SHISA9: variants seen among roughly 807,000 people sequenced by gnomAD.
SHISA9 encodes the protein shisa family member 9, also known as protein shisa-9.
SHISA9 carries 13 observed loss-of-function variants against 38.0 expected under a neutral mutation model. The ratio of observed to expected loss-of-function variants is 0.34; its 90% CI spans 0.22 to 0.54. The LOEUF (loss-of-function observed/expected upper bound fraction) is 0.54. Ranked by LOEUF, SHISA9 falls within the 20% of genes least tolerant of loss-of-function variation. SHISA9 has a pLI of 0.91. For missense variants in SHISA9, 538 were observed against 575.8 expected, an observed-to-expected ratio of 0.93 and a Z score of 0.67; for synonymous variants, 275 against 242.0, an observed-to-expected ratio of 1.14 and a Z score of -1.27.
the SHISA9 span, among the ~76,000 whole-genome samples, chr16:13,379,693 G>A: frequency 6.1e-3 from 924 of 152,220 alleles, 14 homozygotes; most frequent in African/African-American, 0.021. Flanking sequence ...ATTCCTCCGC[G>A]GTGGGCATTT....
chr16:13,395,098 C>T, the SHISA9 span, among the ~76,000 whole-genome samples: 1 of 152,090 alleles, frequency 6.6e-6, no homozygotes, highest in Non-Finnish European at 1.5e-5. Context: ...AAATGTTCCT[C>T]CAGAATGAGT....
the SHISA9 span, among the ~76,000 whole-genome samples, chr16:13,440,589 A>G: frequency 1.3e-5 from 2 of 152,132 alleles, no homozygotes; most frequent in African/African-American, 4.8e-5. Context: ...TCTTTTCTAA[A>G]TGTCTTTTCT....
At chr16:13,436,239 AG>A in the SHISA9 span, among the ~76,000 whole-genome samples, 1 of 152,256 alleles carries the variant, frequency 6.6e-6, no homozygotes, top group Admixed American at 6.5e-5. Flanking sequence ...CTAGTAAAAA[AG>A]GGTGTCGTAA....
chr16:13,015,887 TTTC>T lies in SHISA9; in HGVS notation c.691+99075_691+99077del, dbSNP rs1325318129. Among the ~76,000 whole-genome samples the T allele has an allele frequency of 2.8e-3, 327 of 115,288 alleles. 3 individuals carry two copies. Among genetic ancestry groups the T allele is most frequent in the African/African-American group, 9.1e-3 (311 of 34,216 alleles). 75.6% of individuals were successfully genotyped at this position (115,288 alleles called of 152,430 possible). On this transcript the variant is annotated intron_variant, in intron 2 of 4. Coordinates refer to ENST00000558583, the MANE Select transcript of SHISA9 (RefSeq NM_001145204.3). Reference sequence around the variant, plus strand: ...CTTTCTTTCTTTCTTTCTTTCTTTCTTTCTTTCTTTCTTTCTTTCTTTTCTTTC... The same window carrying T: ...CTTTCTTTCTTTCTTTCTTTCTTTCTTTTCTTTCTTTCTTTCTTTTCTTTC...
At chr16:13,429,930 G>A in the SHISA9 span, among the ~76,000 whole-genome samples, 1 of 152,154 alleles carries the variant, frequency 6.6e-6, no homozygotes, top group Non-Finnish European at 1.5e-5. Flanking sequence ...CTCAGAATGT[G>A]ACTATATTAG....
Position 13,095,836 on chromosome 16 carries a change from G to A in SHISA9, c.692-107558G>A, listed in dbSNP as rs565723664. Among the ~76,000 whole-genome samples, 57 of 152,340 alleles carry A rather than the reference G, an allele frequency of 3.7e-4. 1 individual carries two copies. Among genetic ancestry groups the A allele is most frequent in the Admixed American group, 3.1e-3 (48 of 15,306 alleles). ...AGCGCAATGGCTCTCAAACTTGAGC[G>A]AGCATGCATCAGGATCACTTGGAGA... is the stretch of plus-strand genomic sequence containing the variant. On this transcript the variant is annotated intron_variant, in intron 2 of 4. Transcript: ENST00000558583.
chr16:13,017,169 G>C (rs941751623), intron 2 of SHISA9, among the ~76,000 whole-genome samples: 3 of 151,772 alleles, frequency 2.0e-5, no homozygotes, highest in African/African-American at 7.3e-5. Context: ...ACAGGCCCCC[G>C]CCACCATGCC....
chr16:13,284,138 A>C, the SHISA9 span, among the ~76,000 whole-genome samples: 1 of 152,202 alleles, frequency 6.6e-6, no homozygotes, highest in African/African-American at 2.4e-5. Flanking sequence ...TCAACTTAGC[A>C]GAACTGCTGT....
At chr16:13,412,645 C>T in the SHISA9 span, among the ~76,000 whole-genome samples, 4 of 151,902 alleles carry the variant, frequency 2.6e-5, no homozygotes, top group African/African-American at 9.7e-5. Flanking sequence ...TTGCTTGAGC[C>T]CGGGAGTTTG....
intron 2 of SHISA9, among the ~76,000 whole-genome samples, chr16:13,051,339 C>G (rs1285588122): frequency 1.3e-5 from 2 of 152,172 alleles, no homozygotes; most frequent in Non-Finnish European, 2.9e-5. Context: ...ACCACAAGAA[C>G]AGTATGGGGG....
intron 2 of SHISA9, among the ~76,000 whole-genome samples, chr16:13,050,328 A>G (rs942123451): frequency 1.3e-5 from 2 of 151,900 alleles, no homozygotes; most frequent in African/African-American, 4.8e-5. Context: ...TTATATATAT[A>G]CATTTTAAAT....
At chr16:13,547,974 G>C in the SHISA9 span, among the ~76,000 whole-genome samples, 1 of 152,072 alleles carries the variant, frequency 6.6e-6, no homozygotes, top group Non-Finnish European at 1.5e-5. Flanking sequence ...TACATTACAA[G>C]TCTATAATAT....
chr16:13,078,430 G>A (rs559181563), intron 2 of SHISA9, among the ~76,000 whole-genome samples: 48 of 151,326 alleles, frequency 3.2e-4, no homozygotes, highest in African/African-American at 1.1e-3. Context: ...TTTTAAGACA[G>A]GGTCTCATTC....
At chr16:13,070,761 G>C (rs1276418622) in intron 2 of SHISA9, among the ~76,000 whole-genome samples, 1 of 152,144 alleles carries the variant, frequency 6.6e-6, no homozygotes, top group African/African-American at 2.4e-5. Flanking sequence ...TTACAGATTG[G>C]GAGAGGGAGA....
At chr16:13,389,822 T>G in the SHISA9 span, among the ~76,000 whole-genome samples, 1 of 152,210 alleles carries the variant, frequency 6.6e-6, no homozygotes. Flanking sequence ...AAAATCACAA[T>G]GCAATATCTC....
chr16:12,916,902 G>T, intron 2 of SHISA9, 87 bp downstream of exon 2: 1 of 1,441,238 alleles, frequency 6.9e-7, no homozygotes, highest in Non-Finnish European at 9.2e-7. Flanking sequence ...GTGTGCTTGG[G>T]TTAGTTAAGA....
chr16:12,911,881 C>A (rs544424232), intron 1 of SHISA9, among the ~76,000 whole-genome samples: 1 of 152,304 alleles, frequency 6.6e-6, no homozygotes, highest in East Asian at 1.9e-4. Context: ...AGTATTAGGT[C>A]GGTGCAAGAG....
At chr16:12,970,705 G>A (rs994855292) in intron 2 of SHISA9, among the ~76,000 whole-genome samples, 1 of 149,796 alleles carries the variant, frequency 6.7e-6, no homozygotes, top group East Asian at 2.0e-4. Flanking sequence ...TGTATTTTTA[G>A]TACAGACGGG....
chr16:13,554,765 G>T, the SHISA9 span, among the ~76,000 whole-genome samples: 1 of 152,060 alleles, frequency 6.6e-6, no homozygotes, highest in African/African-American at 2.4e-5. Flanking sequence ...GAGCCACCGT[G>T]CCCAGTTCAT....
Sources: allele counts gnomAD v4.1 joint callset (sites outside exome capture counted in the v4.1 genomes callset), GRCh38; gene constraint gnomAD v4.1.1; transcripts MANE v1.5; gene names NCBI Gene and HGNC (gene_info 2026-07-23, HGNC 2026-07-21).